DPF3: variants seen among roughly 807,000 people sequenced by gnomAD.
The protein encoded by DPF3 is double PHD fingers 3, also known as zinc finger protein DPF3.
A neutral mutation model predicts 56.8 loss-of-function variants in DPF3; 18 were observed. That is an observed-to-expected ratio of 0.32 (90% CI 0.22 to 0.47). DPF3 has a LOEUF of 0.47. Among genes scored for constraint, DPF3 ranks in the 20% least tolerant of loss-of-function variants. The pLI is 1.00. For missense variants in DPF3, 403 were observed against 488.8 expected (o/e 0.82, Z 1.65); for synonymous variants, 188 against 180.2 (o/e 1.04, Z -0.35).
At chr14:72,695,880 T>A (rs1232224118) in intron 6 of DPF3, among the ~76,000 whole-genome samples, 1 of 152,198 alleles carries the variant, frequency 6.6e-6, no homozygotes, top group Admixed American at 6.5e-5. Context: ...CTACTTACAT[T>A]CATATATTCT....
At chr14:72,682,397 A>G (rs1336762093) in intron 7 of DPF3, among the ~76,000 whole-genome samples, 1 of 152,040 alleles carries the variant, frequency 6.6e-6, no homozygotes, top group Non-Finnish European at 1.5e-5. Flanking sequence ...GAAGGAGAAA[A>G]TGTTAATTTG....
At chr14:72,831,376 C>T (rs182984626) in intron 1 of DPF3, among the ~76,000 whole-genome samples, 1 of 152,258 alleles carries the variant, frequency 6.6e-6, no homozygotes, top group East Asian at 1.9e-4. Context: ...AAAACACACA[C>T]TCCTTGTTAC....
chr14:72,672,046 CACACACACACACAG>C (rs920202011), intron 8 of DPF3, among the ~76,000 whole-genome samples: 2 of 118,232 alleles, frequency 1.7e-5, no homozygotes, highest in Non-Finnish European at 3.4e-5. Flanking sequence ...CACACACACA[CACACACACACACAG>C]ACACACACAC....
chr14:72,846,558 A>G (rs6574099), intron 1 of DPF3, among the ~76,000 whole-genome samples: 147,238 of 151,108 alleles, frequency 0.97, 71,779 homozygotes, highest in East Asian at 1. Context: ...GGATGGTCTC[A>G]ATCTCCTGAC....
chr14:72,748,287 A>G lies in DPF3; in HGVS notation c.301+4977T>C, dbSNP rs566490805. ...ACATTTTACCAAAGAGAATGGGGGC[A>G]TTTTGCCCCTGCCCTAGAGATTTGT... is the stretch of plus-strand genomic sequence containing the variant. On this transcript the variant is annotated intron_variant, in intron 3 of 10. Coordinates refer to ENST00000556509, the MANE Select transcript of DPF3 (RefSeq NM_001280542.3). Among the ~76,000 whole-genome samples the G allele has an allele frequency of 2.6e-5, 4 of 152,354 alleles. No individual in the cohort carries two copies. The South Asian group carries it at 8.3e-4, about 32-fold the overall frequency.
At chr14:72,843,318 A>C (rs978586706) in intron 1 of DPF3, among the ~76,000 whole-genome samples, 1 of 152,162 alleles carries the variant, frequency 6.6e-6, no homozygotes, top group Non-Finnish European at 1.5e-5. Flanking sequence ...TTGCTTCAAA[A>C]GCATCGGGGG....
At chr14:72,760,810 C>T (rs1891039280) in intron 2 of DPF3, among the ~76,000 whole-genome samples, 1 of 152,014 alleles carries the variant, frequency 6.6e-6, no homozygotes, top group Non-Finnish European at 1.5e-5. Context: ...AAAAGCATAA[C>T]ACAACTATAT....
chr14:72,693,675 T>A (rs1426245281), intron 6 of DPF3, among the ~76,000 whole-genome samples: 3 of 152,018 alleles, frequency 2.0e-5, no homozygotes, highest in Admixed American at 1.3e-4. Flanking sequence ...CAATCCAACA[T>A]CCCATGACAC....
chr14:72,771,973 A>G (rs1167608348), intron 1 of DPF3, 80 bp from the exon 2 acceptor site: 14 of 1,360,018 alleles, frequency 1.0e-5, no homozygotes, highest in Non-Finnish European at 1.1e-5. Flanking sequence ...AGAGGGAAAC[A>G]CACCTCCCTG....
intron 1 of DPF3, among the ~76,000 whole-genome samples, chr14:72,825,640 C>T (rs1599475376): frequency 1.3e-5 from 2 of 152,150 alleles, no homozygotes; most frequent in East Asian, 3.9e-4. Flanking sequence ...CAAGAAGGCC[C>T]CTGGGGAAGA....
rs1239033905 is a variant in DPF3, at chr14:72,894,097, A to T, written c.-9T>A. ...TGAATGACAGTCGCCATTTTGCTAC[A>T]ATGTAACAGAATATTGTCTCAGAGT... On this transcript the variant is annotated 5_prime_UTR_variant, in exon 1 of 11. Transcript: ENST00000556509. 6.7e-7 allele frequency: 1 copy of T among 1,492,906 alleles called. No individual in the cohort carries two copies. The highest frequency in any genetic ancestry group is 1.2e-5 in the South Asian group (1 of 85,844). 92.5% of individuals were successfully genotyped at this position (1,492,906 alleles called of 1,614,324 possible). A position where few individuals can be genotyped will look rare whatever the true frequency, so the allele number is the denominator to read the frequency against.
chr14:72,804,895 T>C (rs1882677445), intron 1 of DPF3, among the ~76,000 whole-genome samples: 2 of 152,200 alleles, frequency 1.3e-5, no homozygotes, highest in Non-Finnish European at 2.9e-5. Flanking sequence ...AGCCACTAAC[T>C]AGCTGTTTCC....
Position 72,612,808 on chromosome 14 carries a change from C to T in DPF3, c.*6489G>A, listed in dbSNP as rs958804991. ...ACGAAGGGAAGAGAAGGAGAGAGGT[C>T]GCGGAGCCAGTAGCTTTCCAAGCAC... On this transcript the variant is annotated 3_prime_UTR_variant, in exon 11 of 11. Transcript: ENST00000556509. Among the ~76,000 whole-genome samples, 1 of 152,202 alleles carries T rather than the reference C, an allele frequency of 6.6e-6. No individual in the cohort carries two copies. The highest frequency in any genetic ancestry group is 2.4e-5 in the African/African-American group (1 of 41,434).
At chr14:72,829,693 TTTTA>T (rs1883971762) in intron 1 of DPF3, among the ~76,000 whole-genome samples, 1 of 151,650 alleles carries the variant, frequency 6.6e-6, no homozygotes, top group Non-Finnish European at 1.5e-5. Context: ...CAACAGTATT[TTTTA>T]TTTAATTCCT....
At chr14:72,725,036 G>A (rs1050220049) in intron 4 of DPF3, among the ~76,000 whole-genome samples, 14 of 151,950 alleles carry the variant, frequency 9.2e-5, no homozygotes, top group Admixed American at 7.2e-4. Flanking sequence ...TTTCTTTATG[G>A]GCTCACTGTG....
At chr14:72,860,241 G>A (rs1885343413) in intron 1 of DPF3, among the ~76,000 whole-genome samples, 1 of 152,126 alleles carries the variant, frequency 6.6e-6, no homozygotes, top group Non-Finnish European at 1.5e-5. Context: ...AGAATGCAGT[G>A]GCACAATCAT....
chr14:72,616,840 A>T lies in DPF3; in HGVS notation c.*2457T>A, dbSNP rs543310296. Among the ~76,000 whole-genome samples the T allele has an allele frequency of 6.6e-6, 1 of 152,338 alleles. No individual in the cohort carries two copies. The highest frequency in any genetic ancestry group is 1.9e-4 in the East Asian group (1 of 5,182). Reference sequence around the variant, plus strand: ...CCTCTTTTGAACACAGAGGTGATAAATGTGACCACGGAGACTTTTGTCTGC... The same window carrying T: ...CCTCTTTTGAACACAGAGGTGATAATTGTGACCACGGAGACTTTTGTCTGC... On this transcript the variant is annotated 3_prime_UTR_variant, in exon 11 of 11. Coordinates refer to ENST00000556509, the MANE Select transcript of DPF3 (RefSeq NM_001280542.3).
chr14:72,884,502 C>T (rs930996569), intron 1 of DPF3, among the ~76,000 whole-genome samples: 19 of 152,176 alleles, frequency 1.2e-4, no homozygotes, highest in Non-Finnish European at 1.9e-4. Context: ...AATGTTTCCA[C>T]ATCCATTATT....
chr14:72,863,081 T>C (rs1173747208), intron 1 of DPF3, among the ~76,000 whole-genome samples: 1 of 18,452 alleles, frequency 5.4e-5, no homozygotes, highest in Non-Finnish European at 8.9e-5. Flanking sequence ...TATATATATA[T>C]ATATATATAT....
Sources: gnomAD v4.1 joint callset for allele counts (sites outside exome capture counted in the v4.1 genomes callset) on GRCh38, gnomAD v4.1.1 for gene constraint, MANE v1.5 for transcripts, NCBI Gene and HGNC (gene_info 2026-07-23, HGNC 2026-07-21) for gene names.